Variants in MYO1D observed in about 807,000 individuals in gnomAD.
MYO1D encodes myosin ID.
MYO1D carries 83 observed loss-of-function variants against 122.0 expected under a neutral mutation model. That is an observed-to-expected ratio of 0.68 (90% CI 0.57 to 0.82). The LOEUF is 0.82. Ranked by LOEUF, MYO1D falls within the 40% of genes least tolerant of loss-of-function variation. The probability of loss-of-function intolerance (pLI) is 0.00; values close to 1 mark genes in which losing one functional copy is unlikely to be tolerated. For synonymous variants in MYO1D, 464 were observed against 446.9 expected (o/e 1.04, Z -0.48); for missense variants, 1,157 against 1,269.5 (o/e 0.91, Z 1.35).
intron 1 of MYO1D, among the ~76,000 whole-genome samples, chr17:32,791,682 T>G (rs1477038403): frequency 6.6e-6 from 1 of 152,140 alleles, no homozygotes; most frequent in Non-Finnish European, 1.5e-5. Flanking sequence ...GGGGGTTTCT[T>G]GTAGTATCGT....
intron 21 of MYO1D, among the ~76,000 whole-genome samples, chr17:32,548,814 A>C (rs931465891): frequency 6.6e-6 from 1 of 151,312 alleles, no homozygotes; most frequent in African/African-American, 2.4e-5. Context: ...CCCGGGTTCA[A>C]GCAATACTCC....
rs1455512042 is a variant in MYO1D, at chr17:32,678,662, T to C, written c.2122-19324A>G. Among the ~76,000 whole-genome samples, 321 of 149,530 alleles carry C rather than the reference T, an allele frequency of 2.1e-3. 1 individual carries two copies. Among genetic ancestry groups the C allele is most frequent in the African/African-American group, 7.7e-3 (311 of 40,396 alleles). The stretch of plus-strand genomic sequence containing the variant: ...TTTTCTTAATCCAGTCTATCATTGT[T>C]GGACATTTGGGTTGGTTCCAAGTCT... On this transcript the variant is annotated intron_variant, in intron 16 of 21. Transcript: ENST00000318217.
chr17:32,735,550 A>G (rs1466422757), intron 14 of MYO1D, among the ~76,000 whole-genome samples: 1 of 151,728 alleles, frequency 6.6e-6, no homozygotes, highest in African/African-American at 2.4e-5. Context: ...GATCTATTAG[A>G]TAAAGTTTAA....
At chr17:32,557,740 T>C (rs1289104146) in intron 21 of MYO1D, among the ~76,000 whole-genome samples, 2 of 152,050 alleles carry the variant, frequency 1.3e-5, no homozygotes, top group African/African-American at 2.4e-5. Context: ...ATGGTAAATA[T>C]TTCAGCTTTG....
intron 21 of MYO1D, among the ~76,000 whole-genome samples, chr17:32,589,039 T>C (rs182166025): frequency 3.3e-5 from 5 of 151,992 alleles, no homozygotes; most frequent in African/African-American, 1.2e-4. Flanking sequence ...GAGAATAAAA[T>C]TCACCCTCCC....
chr17:32,836,893 C>G lies in MYO1D; in HGVS notation c.95+39885G>C, dbSNP rs2090830463. Among the ~76,000 whole-genome samples the G allele has an allele frequency of 2.0e-5, 3 of 152,002 alleles. No homozygotes were observed. The South Asian group carries it at 6.2e-4, about 31-fold the overall frequency. ...CTCTTGGTAGACATGAATTCTTCTC[C>G]TGAGTATATACCTAGGAGTTAAATC... On this transcript the variant is annotated intron_variant, in intron 1 of 21. Transcript: ENST00000318217.
rs781645921 is a variant in MYO1D, at chr17:32,492,618, A to G, written c.*2141T>C. The G allele has an allele frequency of 3.3e-5, 5 of 152,710 alleles. No individual in the cohort carries two copies. The highest frequency in any genetic ancestry group is 5.9e-5 in the Non-Finnish European group (4 of 68,030). The allele number at this position is 152,710 out of a possible 1,614,324, so 9.5% of individuals were successfully genotyped here. ...AGAACACCTTTAAAAATAAGATTTAATGCTTTATTGCTCTTGATGGCAAAT... is the reference window on the plus strand; with the variant it reads ...AGAACACCTTTAAAAATAAGATTTAGTGCTTTATTGCTCTTGATGGCAAAT... On this transcript the variant is annotated 3_prime_UTR_variant, in exon 22 of 22. Transcript: ENST00000318217.
At chr17:32,719,677 G>A (rs990307609) in intron 15 of MYO1D, among the ~76,000 whole-genome samples, 3 of 152,144 alleles carry the variant, frequency 2.0e-5, no homozygotes, top group African/African-American at 7.2e-5. Flanking sequence ...TATTCACACA[G>A]TAGCCACAGT....
At chr17:32,658,445 A>G (rs2088507961) in intron 17 of MYO1D, 1 of 152,388 alleles carries the variant, frequency 6.6e-6, no homozygotes. Context: ...AATAAGCTCA[A>G]AAAGCAAGGA....
At chr17:32,745,476 TAC>T in intron 12 of MYO1D, 191 bp from the exon 13 acceptor site, 2 of 483,698 alleles carry the variant, frequency 4.1e-6, no homozygotes, top group Middle Eastern at 9.7e-4. Flanking sequence ...TTTTCATCAG[TAC>T]TATTATGATT....
At chr17:32,526,605 CT>C (rs35471319) in intron 21 of MYO1D, among the ~76,000 whole-genome samples, 58,949 of 145,420 alleles carry the variant, frequency 0.41, 11,778 homozygotes, top group Middle Eastern at 0.49. Flanking sequence ...ATAAAGCCTT[CT>C]TTTTTTTTTT....
chr17:32,629,261 T>C (rs1018528592), intron 20 of MYO1D, among the ~76,000 whole-genome samples: 1 of 151,094 alleles, frequency 6.6e-6, no homozygotes, highest in South Asian at 2.1e-4. Context: ...ACAGGATCTT[T>C]AGAGCAGTGA....
chr17:32,722,764 A>C (rs2089527150), intron 14 of MYO1D, among the ~76,000 whole-genome samples: 1 of 152,202 alleles, frequency 6.6e-6, no homozygotes, highest in Non-Finnish European at 1.5e-5. Context: ...AAAAAATATT[A>C]TCTACCAGCC....
chr17:32,508,442 AT>A (rs1217535988), intron 21 of MYO1D, among the ~76,000 whole-genome samples: 1 of 151,638 alleles, frequency 6.6e-6, no homozygotes, highest in Non-Finnish European at 1.5e-5. Context: ...CGCCCAGCTA[AT>A]TTTTGTATTT....
intron 21 of MYO1D, among the ~76,000 whole-genome samples, chr17:32,535,605 G>T (rs557363897): frequency 1.3e-5 from 2 of 152,260 alleles, no homozygotes; most frequent in South Asian, 4.1e-4. Flanking sequence ...CAAAAAATTA[G>T]CTGGGTGTGG....
At chr17:32,675,427 G>A (rs1159608100) in intron 16 of MYO1D, among the ~76,000 whole-genome samples, 1 of 152,042 alleles carries the variant, frequency 6.6e-6, no homozygotes, top group African/African-American at 2.4e-5. Context: ...ATAATCTTGT[G>A]CTTGTATTAC....
rs895769593 is a variant in MYO1D, at chr17:32,720,990, T to G, written c.1913+33A>C. The G allele has an allele frequency of 4.4e-6, 7 of 1,591,042 alleles. No homozygotes were observed. In the African/African-American group the frequency reaches 8.1e-5, roughly 18 times the overall value. On this transcript the variant is annotated intron_variant, in intron 15 of 21. Transcript: ENST00000318217. ...ACGGGGAGGACTCCCTTATTCTCAG[T>G]GAACTAGGCCTCTCTGACGAGTCTA...
chr17:32,755,829 G>C (rs1240689707), intron 10 of MYO1D, 167 bp from the exon 11 acceptor site: 8 of 514,740 alleles, frequency 1.6e-5, no homozygotes, highest in Non-Finnish European at 2.7e-5. Context: ...TTCTAACAGA[G>C]GTTTATTTTT....
chr17:32,615,814 T>G (rs148215042), intron 20 of MYO1D, among the ~76,000 whole-genome samples: 5 of 152,276 alleles, frequency 3.3e-5, no homozygotes, highest in Admixed American at 3.3e-4. Context: ...ATCTTAAGGG[T>G]CTTGTCCCAC....
Sources: allele counts gnomAD v4.1 joint callset (sites outside exome capture counted in the v4.1 genomes callset), GRCh38; gene constraint gnomAD v4.1.1; transcripts MANE v1.5; gene names NCBI Gene and HGNC (gene_info 2026-07-23, HGNC 2026-07-21).